KAZN: variants seen among roughly 807,000 people sequenced by gnomAD.
The protein encoded by KAZN is kazrin.
Under a neutral mutation model 87.4 loss-of-function variants are expected in KAZN, and 40 were observed. The ratio of observed to expected loss-of-function variants is 0.46; its 90% CI spans 0.36 to 0.60. The LOEUF (loss-of-function observed/expected upper bound fraction) is 0.60, where lower values mean the gene tolerates loss of function less well. Among genes scored for constraint, KAZN ranks in the 20% least tolerant of loss-of-function variants. The pLI, the probability that KAZN is intolerant of heterozygous loss-of-function variation, is 0.00. For missense variants in KAZN, 898 were observed against 1,073.9 expected (o/e 0.84, Z 2.29); for synonymous variants, 466 against 458.3 (o/e 1.02, Z -0.22).
At chr1:15,111,671 G>C (rs1641626207) in intron 13 of KAZN, 1 of 152,224 alleles carries the variant, frequency 6.6e-6, no homozygotes, top group Non-Finnish European at 1.5e-5. Context: ...CCACAGCATT[G>C]ATATGCAGAC....
intron 1 of KAZN, among the ~76,000 whole-genome samples, chr1:14,732,528 T>A (rs56694754): frequency 0.14 from 20,909 of 151,914 alleles, 1,476 homozygotes; most frequent in Non-Finnish European, 0.15. Flanking sequence ...AGTTCCAGCT[T>A]CTAGGGAGGC....
intron 2 of KAZN, among the ~76,000 whole-genome samples, chr1:15,024,364 G>A (rs1395923531): frequency 6.6e-6 from 1 of 152,186 alleles, no homozygotes; most frequent in Non-Finnish European, 1.5e-5. Context: ...CAGAGAGGAT[G>A]GTGGGAAGGA....
At chr1:14,056,768 G>C (rs752331023) in intron 1 of KAZN, among the ~76,000 whole-genome samples, 16 of 152,158 alleles carry the variant, frequency 1.1e-4, no homozygotes, top group Non-Finnish European at 1.6e-4. Context: ...CACCAGACTG[G>C]AAATGGCCTT....
chr1:14,533,129 G>A (rs1672303897), intron 2 of KAZN, among the ~76,000 whole-genome samples: 1 of 152,068 alleles, frequency 6.6e-6, no homozygotes, highest in Non-Finnish European at 1.5e-5. Context: ...TATAACTGTG[G>A]CCCAGCACCT....
intron 1 of KAZN, among the ~76,000 whole-genome samples, chr1:14,852,078 G>A (rs537134366): frequency 3.3e-5 from 5 of 152,128 alleles, no homozygotes; most frequent in Non-Finnish European, 7.4e-5. Context: ...AAAATCTCAG[G>A]TTCCTCACCT....
chr1:14,181,699 C>G (rs1479182622), intron 2 of KAZN, among the ~76,000 whole-genome samples: 2 of 152,142 alleles, frequency 1.3e-5, no homozygotes, highest in African/African-American at 4.8e-5. Flanking sequence ...CCTCTCTCCC[C>G]CAGCCTGTCT....
At position 15,077,668 on chromosome 1, in the gene KAZN, C is replaced by T. The variant is rs1639819495; in HGVS notation, c.1222+11915C>T. Reference sequence around the variant, plus strand: ...ACTCAGAGATGGGGGTTGGGGGTTTCACCTTCAGGTGAAGATGTTGATGGG... The same window carrying T: ...ACTCAGAGATGGGGGTTGGGGGTTTTACCTTCAGGTGAAGATGTTGATGGG... On this transcript the variant is annotated intron_variant, in intron 8 of 14. Coordinates refer to ENST00000376030, the MANE Select transcript of KAZN (RefSeq NM_201628.3). This position sits in a 1 kb window ranked among gnomAD's most constrained non-coding sequence, Gnocchi z 4.8. 6.6e-6 allele frequency among the ~76,000 whole-genome samples: 1 copy of T among 152,178 alleles called. No homozygotes were observed. The highest frequency in any genetic ancestry group is 1.5e-5 in the Non-Finnish European group (1 of 68,036).
At chr1:14,827,081 G>A (rs984192780) in intron 1 of KAZN, among the ~76,000 whole-genome samples, 2 of 152,116 alleles carry the variant, frequency 1.3e-5, no homozygotes, top group African/African-American at 4.8e-5. Context: ...GATGTTGGAT[G>A]CCTTTCCTCT....
chr1:14,441,594 G>C (rs1666709124), intron 2 of KAZN, among the ~76,000 whole-genome samples: 1 of 152,116 alleles, frequency 6.6e-6, no homozygotes, highest in Non-Finnish European at 1.5e-5. Context: ...GATACGTTTG[G>C]ATTTTAACAC....
intron 4 of KAZN, 96 bp from the exon 5 acceptor site, chr1:15,055,995 C>G (rs1035378357): frequency 2.3e-5 from 28 of 1,243,512 alleles, no homozygotes; most frequent in Non-Finnish European, 3.2e-5. Flanking sequence ...GCAGAGGATC[C>G]GGGCTTTCTC....
intron 2 of KAZN, among the ~76,000 whole-genome samples, chr1:15,026,605 G>A (rs6669030): frequency 0.52 from 79,071 of 151,758 alleles, 20,926 homozygotes; most frequent in African/African-American, 0.61. Flanking sequence ...CTCAAGGTCA[G>A]CACCCCACAG....
At chr1:15,050,210 G>GAATAT (rs890875521) in intron 4 of KAZN, among the ~76,000 whole-genome samples, 1 of 151,084 alleles carries the variant, frequency 6.6e-6, no homozygotes, top group Non-Finnish European at 1.5e-5. Context: ...GAATAGAATA[G>GAATAT]AATAGAATAG....
At chr1:14,116,277 C>T (rs1644615648) in intron 1 of KAZN, among the ~76,000 whole-genome samples, 1 of 150,726 alleles carries the variant, frequency 6.6e-6, no homozygotes, top group African/African-American at 2.4e-5. Flanking sequence ...GGCCCAGAGG[C>T]CTAGGAGAAA....
At position 15,103,397 on chromosome 1, in the gene KAZN, C is replaced by T. The variant is rs1641158138; in HGVS notation, c.1818C>T (p.Asn606=). The T allele has an allele frequency of 2.6e-6, 4 of 1,552,192 alleles. No homozygotes were observed. The highest frequency in any genetic ancestry group is 2.7e-5 in the African/African-American group (2 of 73,084). The change falls in exon 12 of 15, where the codon AAC becomes AAT. Residue 606 remains asparagine, a synonymous_variant. Coordinates refer to ENST00000376030, the MANE Select transcript of KAZN (RefSeq NM_201628.3). ...GCCGGGCCCGCTGCGAGACGCAGAA[C>T]ATTGACCCCGTGGTGTGGACCAACC... ...QERRARCETQ[N]IDPVVWTNQR... is the part of the protein sequence containing the mutation.
intron 1 of KAZN, among the ~76,000 whole-genome samples, chr1:14,798,727 C>T (rs150012742): frequency 0.049 from 7,419 of 151,770 alleles, 336 homozygotes; most frequent in Admixed American, 0.15. Context: ...AGCCACCACG[C>T]CCGGCCCACT....
chr1:14,145,175 G>C (rs1415069956), intron 1 of KAZN, among the ~76,000 whole-genome samples: 2 of 152,074 alleles, frequency 1.3e-5, no homozygotes, highest in Admixed American at 6.6e-5. Context: ...GGGTGCTGTG[G>C]CTCACATCTG....
chr1:14,319,475 G>T (rs1217338540), intron 2 of KAZN, among the ~76,000 whole-genome samples: 2 of 151,914 alleles, frequency 1.3e-5, no homozygotes, highest in Non-Finnish European at 2.9e-5. Flanking sequence ...AGATGTCTTT[G>T]TGTTCAGAAA....
At chr1:14,912,280 T>C (rs547300520) in intron 1 of KAZN, among the ~76,000 whole-genome samples, 1 of 151,828 alleles carries the variant, frequency 6.6e-6, no homozygotes, top group Non-Finnish European at 1.5e-5. Context: ...CTCCCAGTAG[T>C]GGGGACTGGT....
At chr1:14,417,993 C>CAAAAAAAAAA (rs58803467) in intron 2 of KAZN, among the ~76,000 whole-genome samples, 3 of 33,812 alleles carry the variant, frequency 8.9e-5, no homozygotes, top group Non-Finnish European at 1.6e-4. Context: ...GAGACTGCCT[C>CAAAAAAAAAA]AAAAAAAAAA....
Sources: gnomAD v4.1 joint callset for allele counts (sites outside exome capture counted in the v4.1 genomes callset) on GRCh38, gnomAD v4.1.1 for gene constraint, Gnocchi (gnomAD v3.1) non-coding constraint, MANE v1.5 for transcripts, NCBI Gene and HGNC (gene_info 2026-07-23, HGNC 2026-07-21) for gene names.